UPF2: variants seen among roughly 807,000 people sequenced by gnomAD.
UPF2 encodes the protein UPF2 regulator of nonsense mediated mRNA decay, also known as regulator of nonsense transcripts 2.
UPF2 carries 17 observed loss-of-function variants against 141.4 expected under a neutral mutation model. That is an observed-to-expected ratio of 0.12 (90% CI 0.08 to 0.18). UPF2 has a LOEUF of 0.18. UPF2 is among the 10% of genes least tolerant of loss of function. UPF2 has a pLI of 1.00. For missense variants in UPF2, 1,152 were observed against 1,515.9 expected (o/e 0.76, Z 3.99); for synonymous variants, 540 against 498.0 (o/e 1.08, Z -1.12).
intron 7 of UPF2, among the ~76,000 whole-genome samples, chr10:11,999,002 G>A (rs1833909001): frequency 1.4e-5 from 2 of 143,076 alleles, no homozygotes; most frequent in Admixed American, 7.3e-5. Flanking sequence ...TCCAGACCGG[G>A]CAACAGAGCA....
At chr10:11,941,784 G>A (rs567825434) in intron 18 of UPF2, among the ~76,000 whole-genome samples, 2 of 152,176 alleles carry the variant, frequency 1.3e-5, no homozygotes, top group African/African-American at 4.8e-5. Flanking sequence ...GTACATATAG[G>A]GCTGAAGTAA....
At position 11,978,920 on chromosome 10, in the gene UPF2, T is replaced by C. The variant is rs1300712189; in HGVS notation, c.1953+137A>G. ...GTTAAGTAAATCACATTTCAAAAATTTAGAATGCCGTAAATTCTAAACTGT... is the reference window on the plus strand; with the variant it reads ...GTTAAGTAAATCACATTTCAAAAATCTAGAATGCCGTAAATTCTAAACTGT... On this transcript the variant is annotated intron_variant, in intron 9 of 21. Coordinates refer to ENST00000357604, the MANE Select transcript of UPF2 (RefSeq NM_015542.4). 5 of 680,568 alleles carry C rather than the reference T, an allele frequency of 7.3e-6. No individual in the cohort carries two copies. The East Asian group carries it at 1.4e-4, about 19-fold the overall frequency. 42.2% of individuals were successfully genotyped at this position (680,568 alleles called of 1,614,324 possible).
At chr10:11,927,430 C>T (rs1832726866) in intron 21 of UPF2, among the ~76,000 whole-genome samples, 1 of 152,136 alleles carries the variant, frequency 6.6e-6, no homozygotes, top group African/African-American at 2.4e-5. Flanking sequence ...TTTTACCAAC[C>T]GAAATACAAA....
intron 9 of UPF2, among the ~76,000 whole-genome samples, chr10:11,975,532 G>A (rs1410797929): frequency 1.3e-5 from 2 of 152,058 alleles, no homozygotes; most frequent in South Asian, 2.1e-4. Flanking sequence ...TTTTGAGATG[G>A]AGTTTCACTC....
At position 11,936,725 on chromosome 10, in the gene UPF2, A is replaced by T. The variant is rs770498702; in HGVS notation, c.3379-13T>A. The T allele has an allele frequency of 6.3e-6, 10 of 1,599,154 alleles. No individual in the cohort carries two copies. The highest frequency in any genetic ancestry group is 2.2e-5 in the East Asian group (1 of 44,582). On this transcript the variant is annotated splice_polypyrimidine_tract_variant and intron_variant, in intron 18 of 21. Coordinates refer to ENST00000357604, the MANE Select transcript of UPF2 (RefSeq NM_015542.4). This position sits in a 1 kb window ranked among gnomAD's most constrained non-coding sequence, Gnocchi z 6.6. ...CACCACTTCGTTGCTAAAAGAAATT[A>T]AAAAGGACATAATAAACACTCCAAG...
chr10:11,958,978 A>G (rs372472606), intron 12 of UPF2, among the ~76,000 whole-genome samples, 193 bp downstream of exon 12: 22 of 152,244 alleles, frequency 1.4e-4, no homozygotes, highest in Non-Finnish European at 3.1e-4. Flanking sequence ...ACAAAAAGTT[A>G]TCATAAAAGG....
rs746720300 is a variant in UPF2, at chr10:11,953,682, C to T, written c.2851-1433G>A. The stretch of plus-strand genomic sequence containing the variant: ...ATAGCTGCCATTTTGCAGCAAAACT[C>T]TGGCTTTTAATACAGTATCCAACTT... On this transcript the variant is annotated intron_variant, in intron 14 of 21. Coordinates refer to ENST00000357604, the MANE Select transcript of UPF2 (RefSeq NM_015542.4). This position sits in a 1 kb window ranked among gnomAD's most constrained non-coding sequence, Gnocchi z 5.0. Among the ~76,000 whole-genome samples, 1 of 152,200 alleles carries T rather than the reference C, an allele frequency of 6.6e-6. No individual in the cohort carries two copies. The highest frequency in any genetic ancestry group is 1.5e-5 in the Non-Finnish European group (1 of 68,034).
In UPF2 at chr10:11,959,647, C is replaced by G. The variant is rs1450626049; in HGVS notation, c.2185-291G>C. Among the ~76,000 whole-genome samples the G allele has an allele frequency of 6.6e-6, 1 of 152,032 alleles. No individual in the cohort carries two copies. The highest frequency in any genetic ancestry group is 2.4e-5 in the African/African-American group (1 of 41,398). On this transcript the variant is annotated intron_variant, in intron 11 of 21. Transcript: ENST00000357604. The surrounding 1 kb of genome is among the most constrained non-coding windows in gnomAD (Gnocchi z 5.9). ...TGGTGGCGCACACCTGTAGTCCCAGCTACTTGGGAGGTTGAGGTGGGTGGA... is the reference window on the plus strand; with the variant it reads ...TGGTGGCGCACACCTGTAGTCCCAGGTACTTGGGAGGTTGAGGTGGGTGGA...
At chr10:12,033,089 G>A (rs962731938) in intron 2 of UPF2, among the ~76,000 whole-genome samples, 6 of 152,104 alleles carry the variant, frequency 3.9e-5, no homozygotes, top group East Asian at 1.9e-4. Flanking sequence ...ATACAAAATC[G>A]TGCTTGCAAA....
At chr10:12,034,248 A>G (rs868748882) in intron 2 of UPF2, among the ~76,000 whole-genome samples, 6 of 152,198 alleles carry the variant, frequency 3.9e-5, no homozygotes, top group Middle Eastern at 3.2e-3. Context: ...AACAAACATC[A>G]GCCAACTGAA....
chr10:11,982,381 G>T (rs1236796490), intron 8 of UPF2, among the ~76,000 whole-genome samples: 1 of 152,048 alleles, frequency 6.6e-6, no homozygotes, highest in Non-Finnish European at 1.5e-5. Flanking sequence ...TGACCTCAGG[G>T]ACTGATCCAC....
intron 4 of UPF2, 145 bp downstream of exon 4, chr10:12,013,879 C>T (rs1349912144): frequency 1.3e-6 from 1 of 752,690 alleles, no homozygotes; most frequent in East Asian, 3.4e-5. Flanking sequence ...AGGTTACAGG[C>T]ATGAGCCACC....
At position 11,952,170 on chromosome 10, in the gene UPF2, C is replaced by T; in HGVS notation, c.2930G>A (p.Ser977Asn). 2 of 1,613,948 alleles carry T rather than the reference C, an allele frequency of 1.2e-6. No individual in the cohort carries two copies. The highest frequency in any genetic ancestry group is 1.7e-6 in the Non-Finnish European group (2 of 1,179,916). Residue 977 changes from serine to asparagine, a missense_variant, in exon 15 of 22, where the codon AGT (serine) becomes AAT (asparagine). This residue lies in a region of UPF2 where 739 missense variants were observed against 1,032.2 expected (regional missense o/e 0.72). Coordinates refer to ENST00000357604, the MANE Select transcript of UPF2 (RefSeq NM_015542.4). ...TGGTCTTAGCAGTTCTAGTGTATCA[C>T]TGATCATGTAATCTATATCAATAGG... ...PFPIDIDYMISDTLELLRPKI... is the reference protein window; with the variant it reads ...PFPIDIDYMINDTLELLRPKI...
intron 8 of UPF2, among the ~76,000 whole-genome samples, chr10:11,995,124 G>C (rs528214702): frequency 6.6e-6 from 1 of 152,138 alleles, no homozygotes; most frequent in African/African-American, 2.4e-5. Flanking sequence ...TCTACACAAG[G>C]GAAAAAAGGA....
At chr10:12,004,774 G>C (rs1489314263) in intron 4 of UPF2, 47 bp from the exon 5 acceptor site, 1 of 1,553,000 alleles carries the variant, frequency 6.4e-7, no homozygotes, top group East Asian at 2.3e-5. Flanking sequence ...TGAGGTTATA[G>C]CATGATAAAC....
At chr10:11,941,547 A>C (rs546753088) in intron 18 of UPF2, among the ~76,000 whole-genome samples, 2 of 152,056 alleles carry the variant, frequency 1.3e-5, no homozygotes, top group African/African-American at 4.8e-5. Context: ...TAAAGATTCC[A>C]TAATATCTTC....
chr10:12,008,013 G>C (rs1448981995), intron 4 of UPF2, among the ~76,000 whole-genome samples: 1 of 151,558 alleles, frequency 6.6e-6, no homozygotes. Flanking sequence ...CTCCCAAGTA[G>C]CTGGGATTAC....
chr10:11,941,944 A>C (rs538646441), intron 18 of UPF2, among the ~76,000 whole-genome samples: 1 of 152,388 alleles, frequency 6.6e-6, no homozygotes, highest in East Asian at 1.9e-4. Context: ...TTAAACATTA[A>C]ATAACAAACA....
At chr10:11,942,526 C>G (rs931395407) in intron 18 of UPF2, 139 bp downstream of exon 18, 2 of 631,276 alleles carry the variant, frequency 3.2e-6, no homozygotes, top group East Asian at 5.8e-5. Flanking sequence ...AAGCTGGCTG[C>G]AAGCTGTCTA....
Sources: allele counts gnomAD v4.1 joint callset (sites outside exome capture counted in the v4.1 genomes callset), GRCh38; gene constraint gnomAD v4.1.1; regional missense constraint gnomAD v4.1.1; non-coding constraint Gnocchi (gnomAD v3.1); transcripts MANE v1.5; gene names NCBI Gene and HGNC (gene_info 2026-07-23, HGNC 2026-07-21).